Variants in TTC7B observed in about 807,000 individuals in gnomAD.
The protein encoded by TTC7B is tetratricopeptide repeat domain 7B, also known as tetratricopeptide repeat protein 7B.
Under a neutral mutation model 106.8 loss-of-function variants are expected in TTC7B, and 28 were observed. That is an observed-to-expected ratio of 0.26 (90% CI 0.19 to 0.36). The LOEUF is 0.36. Among genes scored for constraint, TTC7B ranks in the 10% least tolerant of loss-of-function variants. The probability of loss-of-function intolerance (pLI) is 1.00; values close to 1 mark genes in which losing one functional copy is unlikely to be tolerated. For synonymous variants in TTC7B, 405 were observed against 430.6 expected, an observed-to-expected ratio of 0.94 and a Z score of 0.74; for missense variants, 862 against 1,076.4, an observed-to-expected ratio of 0.80 and a Z score of 2.79.
At chr14:90,645,367 A>G (rs1046183137) in intron 14 of TTC7B, among the ~76,000 whole-genome samples, 1 of 152,140 alleles carries the variant, frequency 6.6e-6, no homozygotes, top group African/African-American at 2.4e-5. Context: ...ATTCACCCCA[A>G]TCCTTCAGTT....
chr14:90,791,559 G>T (rs896676713), intron 1 of TTC7B, among the ~76,000 whole-genome samples: 2 of 152,076 alleles, frequency 1.3e-5, no homozygotes, highest in Admixed American at 6.6e-5. Flanking sequence ...CACATCCCAG[G>T]CTCCCTGATG....
chr14:90,780,397 G>A (rs933127373), intron 3 of TTC7B, among the ~76,000 whole-genome samples: 8 of 133,844 alleles, frequency 6.0e-5, no homozygotes, highest in African/African-American at 2.4e-4. Context: ...AAAAGAAAGA[G>A]AGAAAGAAAC....
rs1442603971 is a variant in TTC7B, at chr14:90,617,984, T to G, written c.1813A>C (p.Thr605Pro). 3.7e-6 allele frequency: 6 copies of G among 1,613,960 alleles called. No homozygotes were observed. The highest frequency in any genetic ancestry group is 5.1e-6 in the Non-Finnish European group (6 of 1,179,880). ...CATATCTGCAGCATGTGCTTACAAGTCAGCAGTGCCTCGTCCGGGCCTCGG... is the reference window on the plus strand; with the variant it reads ...CATATCTGCAGCATGTGCTTACAAGGCAGCAGTGCCTCGTCCGGGCCTCGG... The part of the protein sequence containing the change: ...LCRGPDEALL[T>P]CKHMLQIWKS... Residue 605 changes from threonine (T) to proline (P), a missense_variant, in exon 16 of 20, where the codon ACT becomes CCT. Thr to Pro is a conservative substitution (Grantham distance 38, BLOSUM62 -1). Transcript: ENST00000328459.
chr14:90,729,042 T>C lies in TTC7B; in HGVS notation c.698+1033A>G, dbSNP rs560615248. 8.3e-4 allele frequency among the ~76,000 whole-genome samples: 127 copies of C among 152,386 alleles called. 2 individuals are homozygous for C. In the South Asian group the frequency reaches 0.024, roughly 29 times the overall value. ...CAAGAGCATCTTTGTGCCAAGGCCA[T>C]TGAGCTGCTGCAAACCTTGGGGTGT... On this transcript the variant is annotated intron_variant, in intron 5 of 19. Coordinates refer to ENST00000328459, the MANE Select transcript of TTC7B (RefSeq NM_001010854.2).
chr14:90,658,519 A>G, intron 9 of TTC7B, 132 bp from the exon 10 acceptor site: 1 of 839,992 alleles, frequency 1.2e-6, no homozygotes. Flanking sequence ...CTTAAAACAT[A>G]ATCCACCACC....
At chr14:90,704,334 T>C (rs868766921) in intron 5 of TTC7B, among the ~76,000 whole-genome samples, 1 of 152,252 alleles carries the variant, frequency 6.6e-6, no homozygotes, top group Admixed American at 6.5e-5. Flanking sequence ...TTCTACGATG[T>C]ACTACACCAA....
intron 2 of TTC7B, among the ~76,000 whole-genome samples, chr14:90,785,552 C>T (rs1891358071): frequency 6.6e-6 from 1 of 152,068 alleles, no homozygotes; most frequent in African/African-American, 2.4e-5. Context: ...GCAAAAGGAA[C>T]TGATGAGGAG....
chr14:90,538,232 A>T lies in TTC7B; in HGVS notation c.*3136T>A, dbSNP rs1232485395. The stretch of plus-strand genomic sequence containing the variant: ...CTAGCGTCTGCGTCCTCATCTATTA[A>T]TGGATGGACGGATGGATGGATGGAT... On this transcript the variant is annotated 3_prime_UTR_variant, in exon 20 of 20. Coordinates refer to ENST00000328459, the MANE Select transcript of TTC7B (RefSeq NM_001010854.2). 6.7e-6 allele frequency: 1 copy of T among 150,366 alleles called. No individual in the cohort carries two copies. Among genetic ancestry groups the T allele is most frequent in the Non-Finnish European group, 1.5e-5 (1 of 67,738 alleles). 9.3% of individuals were successfully genotyped at this position (150,366 alleles called of 1,614,324 possible).
In TTC7B at chr14:90,679,740, A is replaced by C. The variant is rs57480715; in HGVS notation, c.1014+732T>G. 8.2e-3 allele frequency among the ~76,000 whole-genome samples: 1,245 copies of C among 152,328 alleles called. 23 individuals are homozygous for C. Among genetic ancestry groups the C allele is most frequent in the East Asian group, 0.041 (214 of 5,188 alleles). On this transcript the variant is annotated intron_variant, in intron 8 of 19. Transcript: ENST00000328459. Reference sequence around the variant, plus strand: ...GGAATTCACTATTACTACACACATGATCCTGAAGGTTTTAAGCCAGGGCCA... The same window carrying C: ...GGAATTCACTATTACTACACACATGCTCCTGAAGGTTTTAAGCCAGGGCCA...
chr14:90,695,831 AATTAAAAAGC>A (rs1887723867), intron 5 of TTC7B, among the ~76,000 whole-genome samples: 1 of 152,200 alleles, frequency 6.6e-6, no homozygotes, highest in African/African-American at 2.4e-5. Context: ...GAAGCCAACA[AATTAAAAAGC>A]AAGATACCTT....
chr14:90,609,034 C>T (rs1459396904), intron 17 of TTC7B, among the ~76,000 whole-genome samples: 2 of 152,202 alleles, frequency 1.3e-5, no homozygotes, highest in East Asian at 3.8e-4. Flanking sequence ...TCCCCATGTC[C>T]GAGCCTCACC....
chr14:90,715,338 T>C (rs1247127896), intron 5 of TTC7B, among the ~76,000 whole-genome samples: 2 of 152,200 alleles, frequency 1.3e-5, no homozygotes, highest in South Asian at 2.1e-4. Context: ...TGTCTTTTTT[T>C]ACGTGGATAT....
At chr14:90,651,747 T>C (rs748139722) in intron 13 of TTC7B, among the ~76,000 whole-genome samples, 5 of 152,202 alleles carry the variant, frequency 3.3e-5, no homozygotes, top group Non-Finnish European at 7.3e-5. Flanking sequence ...CTGAAGTAGC[T>C]ACCGGCAAGC....
intron 3 of TTC7B, among the ~76,000 whole-genome samples, chr14:90,767,613 T>G: frequency 6.6e-6 from 1 of 152,214 alleles, no homozygotes; most frequent in East Asian, 1.9e-4. Flanking sequence ...ACCTTCATAT[T>G]GGCCTTCCTA....
chr14:90,791,007 G>A (rs1566889783), intron 1 of TTC7B, among the ~76,000 whole-genome samples: 1 of 152,064 alleles, frequency 6.6e-6, no homozygotes, highest in Admixed American at 6.6e-5. Context: ...GCTGGGATCA[G>A]AATGCCCAGA....
chr14:90,720,700 C>A (rs1888860786), intron 5 of TTC7B, among the ~76,000 whole-genome samples: 1 of 152,168 alleles, frequency 6.6e-6, no homozygotes, highest in Non-Finnish European at 1.5e-5. Flanking sequence ...CAAAAATTAA[C>A]TCTGACTTTT....
chr14:90,554,586 G>T (rs1452132758), intron 19 of TTC7B, among the ~76,000 whole-genome samples: 1 of 152,238 alleles, frequency 6.6e-6, no homozygotes. Context: ...TGTCACTCGA[G>T]CCACGCTCTT....
intron 1 of TTC7B, among the ~76,000 whole-genome samples, chr14:90,792,019 C>G (rs535897916): frequency 2.0e-5 from 3 of 152,270 alleles, no homozygotes; most frequent in Non-Finnish European, 1.5e-5. Context: ...TCAAGTTTAC[C>G]GGTCTCCAAA....
intron 5 of TTC7B, among the ~76,000 whole-genome samples, chr14:90,710,711 T>A (rs763605100): frequency 6.6e-6 from 1 of 152,234 alleles, no homozygotes; most frequent in Admixed American, 6.5e-5. Flanking sequence ...AAGATATGAC[T>A]TGCTGAACGC....
Sources: allele counts gnomAD v4.1 joint callset (sites outside exome capture counted in the v4.1 genomes callset), GRCh38; gene constraint gnomAD v4.1.1; transcripts MANE v1.5; gene names NCBI Gene and HGNC (gene_info 2026-07-23, HGNC 2026-07-21).